NCOA2: variants seen among roughly 807,000 people sequenced by gnomAD.
NCOA2 encodes the protein class E basic helix-loop-helix protein 75.
A neutral mutation model predicts 145.1 loss-of-function variants in NCOA2; 21 were observed. That is an observed-to-expected ratio of 0.14 (90% CI 0.10 to 0.21). The LOEUF (loss-of-function observed/expected upper bound fraction) is 0.21. Ranked by LOEUF, NCOA2 falls within the 10% of genes least tolerant of loss-of-function variation. NCOA2 has a pLI of 1.00. For missense variants in NCOA2, 1,472 were observed against 1,837.6 expected, an observed-to-expected ratio of 0.80 and a Z score of 3.64; for synonymous variants, 619 against 637.5, an observed-to-expected ratio of 0.97 and a Z score of 0.44.
chr8:70,159,242 A>ATATATATATATATATATATATT, intron 10 of NCOA2, among the ~76,000 whole-genome samples: 7 of 61,074 alleles, frequency 1.1e-4, no homozygotes, highest in South Asian at 3.6e-4. Context: ...ATATATATAT[A>ATATATATATATATATATATATT]TTTTTTTTTT....
At chr8:70,453,206 A>C in the NCOA2 span, among the ~76,000 whole-genome samples, 26 of 152,262 alleles carry the variant, frequency 1.7e-4, no homozygotes, top group East Asian at 4.8e-3. Flanking sequence ...TTCCTGATGA[A>C]ACTTTTGTGG....
At chr8:70,117,343 C>T (rs1024087152) in intron 22 of NCOA2, among the ~76,000 whole-genome samples, 1 of 152,222 alleles carries the variant, frequency 6.6e-6, no homozygotes, top group Non-Finnish European at 1.5e-5. Context: ...GGTGGGGAAC[C>T]TTAAATACCT....
intron 2 of NCOA2, among the ~76,000 whole-genome samples, chr8:70,274,306 A>G (rs760373646): frequency 8.5e-5 from 13 of 152,168 alleles, no homozygotes; most frequent in Admixed American, 6.5e-5. Flanking sequence ...TCTGATACAT[A>G]TGAGCACCTG....
At chr8:70,319,348 C>T (rs1438218142) in intron 1 of NCOA2, among the ~76,000 whole-genome samples, 1 of 151,628 alleles carries the variant, frequency 6.6e-6, no homozygotes, top group Non-Finnish European at 1.5e-5. Context: ...TCGACACCAG[C>T]CTGAGCAACA....
At chr8:70,373,851 C>T (rs1242158803) in intron 1 of NCOA2, among the ~76,000 whole-genome samples, 1 of 152,134 alleles carries the variant, frequency 6.6e-6, no homozygotes, top group Non-Finnish European at 1.5e-5. Context: ...ATATTCTGCT[C>T]CATTGATCTA....
chr8:70,151,488 A>G (rs1270969179), intron 11 of NCOA2, among the ~76,000 whole-genome samples: 1 of 152,144 alleles, frequency 6.6e-6, no homozygotes, highest in Admixed American at 6.5e-5. Flanking sequence ...GGGTTTCACC[A>G]TGTTGGCTAG....
the NCOA2 span, among the ~76,000 whole-genome samples, chr8:70,426,267 A>G: frequency 1.3e-5 from 2 of 152,252 alleles, no homozygotes; most frequent in Non-Finnish European, 2.9e-5. Context: ...AAATGTGTAT[A>G]TGATATGACA....
intron 21 of NCOA2, among the ~76,000 whole-genome samples, chr8:70,122,683 A>C (rs146451578): frequency 9.4e-4 from 143 of 152,354 alleles, no homozygotes; most frequent in African/African-American, 3.1e-3. Context: ...AAGGGCTTTA[A>C]ATTTTCTCAT....
intron 1 of NCOA2, among the ~76,000 whole-genome samples, chr8:70,361,941 A>G (rs1810237940): frequency 6.6e-6 from 1 of 152,248 alleles, no homozygotes. Context: ...ACACAGGAAC[A>G]TATCTAGTTT....
intron 4 of NCOA2, among the ~76,000 whole-genome samples, chr8:70,193,178 A>G (rs934927358): frequency 2.0e-5 from 3 of 152,044 alleles, no homozygotes; most frequent in African/African-American, 4.8e-5. Flanking sequence ...TAAAAGAACT[A>G]TCTATCATTA....
At chr8:70,318,084 C>A (rs1805752520) in intron 1 of NCOA2, among the ~76,000 whole-genome samples, 1 of 152,120 alleles carries the variant, frequency 6.6e-6, no homozygotes, top group Non-Finnish European at 1.5e-5. Flanking sequence ...AACAAAGGAA[C>A]ATTGGGAAAG....
the NCOA2 span, among the ~76,000 whole-genome samples, chr8:70,412,856 A>G: frequency 1.1e-4 from 16 of 152,046 alleles, no homozygotes; most frequent in African/African-American, 3.9e-4. Flanking sequence ...CCAGCACTTT[A>G]GGAGGCCAAG....
chr8:70,285,442 T>C (rs1826169386), intron 2 of NCOA2, among the ~76,000 whole-genome samples: 2 of 152,250 alleles, frequency 1.3e-5, no homozygotes, highest in Non-Finnish European at 2.9e-5. Context: ...CCCTTATTTC[T>C]GTGTTTCATT....
At chr8:70,129,459 A>T (rs1251400236) in intron 16 of NCOA2, among the ~76,000 whole-genome samples, 1 of 152,178 alleles carries the variant, frequency 6.6e-6, no homozygotes, top group Non-Finnish European at 1.5e-5. Flanking sequence ...AAAAAATGAG[A>T]CTTAAAGACA....
chr8:70,451,237 A>AAAAT, the NCOA2 span, among the ~76,000 whole-genome samples: 103 of 69,492 alleles, frequency 1.5e-3, 1 homozygote, highest in African/African-American at 4.7e-3. Flanking sequence ...AAAAAAAAAA[A>AAAAT]ATATATATAT....
intron 1 of NCOA2, among the ~76,000 whole-genome samples, chr8:70,328,540 C>T (rs1167704172): frequency 3.9e-5 from 6 of 152,122 alleles, no homozygotes. Context: ...GAATACTGAA[C>T]TTGTCCTTGT....
chr8:70,275,374 TG>T (rs1483541263), intron 2 of NCOA2, among the ~76,000 whole-genome samples: 5 of 152,300 alleles, frequency 3.3e-5, no homozygotes, highest in African/African-American at 1.2e-4. Context: ...ATTAAAGAAT[TG>T]TATTCTTAAA....
chr8:70,237,426 C>CTT (rs59737946), intron 2 of NCOA2, among the ~76,000 whole-genome samples: 1 of 142,348 alleles, frequency 7.0e-6, no homozygotes, highest in Non-Finnish European at 1.5e-5. Context: ...CAGTATTTTC[C>CTT]TTTTTTTTTT....
At chr8:70,393,349 G>A (rs1307061186) in intron 1 of NCOA2, among the ~76,000 whole-genome samples, 4 of 152,234 alleles carry the variant, frequency 2.6e-5, no homozygotes, top group South Asian at 4.2e-4. Flanking sequence ...CGGATTAAAC[G>A]GCTCTCTCTA....
Sources: allele counts gnomAD v4.1 joint callset (sites outside exome capture counted in the v4.1 genomes callset), GRCh38; gene constraint gnomAD v4.1.1; transcripts MANE v1.5; gene names NCBI Gene and HGNC (gene_info 2026-07-23, HGNC 2026-07-21).